Variants in LAMC1 observed in about 807,000 individuals in gnomAD.
LAMC1 encodes laminin subunit gamma 1, also known as laminin subunit gamma-1.
In LAMC1, 38 loss-of-function variants were observed where a neutral mutation model predicts 173.6. That is an observed-to-expected ratio of 0.22 (90% CI 0.17 to 0.29). The LOEUF (loss-of-function observed/expected upper bound fraction) is 0.29. Ranked by LOEUF, LAMC1 falls within the 10% of genes least tolerant of loss-of-function variation. The pLI is 1.00. For synonymous variants in LAMC1, 746 were observed against 749.1 expected (o/e 1.00, Z 0.07); for missense variants, 1,824 against 2,051.8 (o/e 0.89, Z 2.14).
intron 1 of LAMC1, among the ~76,000 whole-genome samples, chr1:183,045,299 A>G (rs572823401): frequency 2.6e-5 from 4 of 152,066 alleles, no homozygotes; most frequent in Non-Finnish European, 5.9e-5. Flanking sequence ...TATGAAGTAG[A>G]TTAGTAACTC....
chr1:183,037,939 A>T (rs1300411814), intron 1 of LAMC1, among the ~76,000 whole-genome samples: 1 of 152,030 alleles, frequency 6.6e-6, no homozygotes, highest in Non-Finnish European at 1.5e-5. Context: ...AGAACTTCAC[A>T]GGTTTGAAGT....
chr1:183,052,758 T>C (rs1654465597), intron 1 of LAMC1, among the ~76,000 whole-genome samples: 1 of 152,238 alleles, frequency 6.6e-6, no homozygotes, highest in Non-Finnish European at 1.5e-5. Flanking sequence ...AATATATCAC[T>C]TAGTAAATTA....
At chr1:183,075,445 A>G (rs569256587) in intron 1 of LAMC1, among the ~76,000 whole-genome samples, 3 of 152,284 alleles carry the variant, frequency 2.0e-5, no homozygotes, top group Admixed American at 1.3e-4. Context: ...CTTTACAAGC[A>G]TGGGTTCCAA....
chr1:183,087,621 C>A (rs1571431790), intron 1 of LAMC1, among the ~76,000 whole-genome samples: 1 of 152,136 alleles, frequency 6.6e-6, no homozygotes, highest in East Asian at 1.9e-4. Context: ...AAGCTTATCA[C>A]ATGCTCATGG....
chr1:183,026,752 T>C (rs1462231643), intron 1 of LAMC1, among the ~76,000 whole-genome samples: 2 of 152,112 alleles, frequency 1.3e-5, no homozygotes, highest in Non-Finnish European at 2.9e-5. Flanking sequence ...CTTTTGATGT[T>C]GAACTTTAAA....
At chr1:183,077,324 G>A (rs1035816155) in intron 1 of LAMC1, among the ~76,000 whole-genome samples, 29 of 152,094 alleles carry the variant, frequency 1.9e-4, no homozygotes, top group African/African-American at 6.8e-4. Context: ...AGACAATGCT[G>A]GCTATTTGCA....
At chr1:183,137,526 A>T in intron 25 of LAMC1, 143 bp from the exon 26 acceptor site, 1 of 443,386 alleles carries the variant, frequency 2.3e-6, no homozygotes, top group Non-Finnish European at 3.8e-6. Flanking sequence ...TTGATAATGT[A>T]AGTCATGAGA....
intron 1 of LAMC1, among the ~76,000 whole-genome samples, chr1:183,033,233 A>G (rs1187304508): frequency 1.3e-5 from 2 of 152,236 alleles, no homozygotes; most frequent in African/African-American, 2.4e-5. Context: ...TGATCAAATC[A>G]GTGAACTGGC....
intron 26 of LAMC1, chr1:183,138,071 C>T (rs986014129): frequency 2.6e-5 from 8 of 307,900 alleles, no homozygotes; most frequent in Non-Finnish European, 3.8e-5. Flanking sequence ...TTGCTTTACA[C>T]GTTTGAGGTT....
intron 2 of LAMC1, among the ~76,000 whole-genome samples, chr1:183,107,172 C>T (rs537994018): frequency 6.6e-6 from 1 of 152,334 alleles, no homozygotes; most frequent in African/African-American, 2.4e-5. Context: ...CAAATTCATT[C>T]ATTCACTTAG....
chr1:183,079,232 G>GT (rs796732672), intron 1 of LAMC1, among the ~76,000 whole-genome samples: 3 of 62,840 alleles, frequency 4.8e-5, no homozygotes, highest in Non-Finnish European at 9.1e-5. Context: ...CTCTAATCTG[G>GT]TTTTTTTTTT....
At chr1:183,102,712 T>C (rs1558048490) in intron 1 of LAMC1, among the ~76,000 whole-genome samples, 1 of 152,222 alleles carries the variant, frequency 6.6e-6, no homozygotes, top group Non-Finnish European at 1.5e-5. Flanking sequence ...TTGTCTTTTT[T>C]CCCCCATTTC....
intron 1 of LAMC1, among the ~76,000 whole-genome samples, chr1:183,086,680 A>G (rs969995898): frequency 6.6e-6 from 1 of 152,208 alleles, no homozygotes; most frequent in Admixed American, 6.5e-5. Context: ...TTCATTGCAA[A>G]TTATTTTAAC....
In LAMC1 at chr1:183,142,861, C is replaced by A; in HGVS notation, c.*71C>A. The A allele has an allele frequency of 6.8e-7, 1 of 1,481,138 alleles. No homozygotes were observed. Among genetic ancestry groups the A allele is most frequent in the African/African-American group, 1.4e-5 (1 of 71,230 alleles). The allele number at this position is 1,481,138 out of a possible 1,614,324, so 91.7% of individuals were successfully genotyped here. Reference sequence around the variant, plus strand: ...TGTGAGGCCACAGAGTGCCTTGACACAAAGATTACATTTTTCAGACCCCCA... The same window carrying A: ...TGTGAGGCCACAGAGTGCCTTGACAAAAAGATTACATTTTTCAGACCCCCA... On this transcript the variant is annotated 3_prime_UTR_variant, in exon 28 of 28. Coordinates refer to ENST00000258341, the MANE Select transcript of LAMC1 (RefSeq NM_002293.4).
intron 6 of LAMC1, 37 bp downstream of exon 6, chr1:183,115,674 T>A (rs767211304): frequency 1.0e-5 from 13 of 1,301,502 alleles, no homozygotes; most frequent in Non-Finnish European, 1.5e-5. Flanking sequence ...GGGGGCAGAA[T>A]CTATATATAG....
intron 2 of LAMC1, among the ~76,000 whole-genome samples, chr1:183,106,410 C>G (rs924141383): frequency 6.6e-6 from 1 of 152,108 alleles, no homozygotes; most frequent in African/African-American, 2.4e-5. Context: ...GTCTCTTTTC[C>G]TTTCTAATTA....
At chr1:183,109,400 C>T (rs1656079115) in intron 3 of LAMC1, among the ~76,000 whole-genome samples, 1 of 152,092 alleles carries the variant, frequency 6.6e-6, no homozygotes, top group African/African-American at 2.4e-5. Context: ...AAGCTGGTGG[C>T]AGCAGAATGG....
intron 1 of LAMC1, among the ~76,000 whole-genome samples, chr1:183,029,312 T>A (rs977306226): frequency 2.9e-4 from 44 of 152,320 alleles, no homozygotes; most frequent in Non-Finnish European, 5.9e-4. Flanking sequence ...TTACTGTAAG[T>A]TCCCATTGCA....
In LAMC1 at chr1:183,071,426, A is replaced by G. The variant is rs142735699; in HGVS notation, c.419-31902A>G. On this transcript the variant is annotated intron_variant, in intron 1 of 27. Transcript: ENST00000258341. Reference sequence around the variant, plus strand: ...TTCTGGGCCCTGGGAAGACAAGTCTACAGCTCTTTGAGGTTCATGTGTGAC... The same window carrying G: ...TTCTGGGCCCTGGGAAGACAAGTCTGCAGCTCTTTGAGGTTCATGTGTGAC... Among the ~76,000 whole-genome samples, 261 of 152,294 alleles carry G rather than the reference A, an allele frequency of 1.7e-3. 3 individuals carry two copies. Among genetic ancestry groups the G allele is most frequent in the African/African-American group, 5.1e-3 (211 of 41,568 alleles).
Sources: allele counts gnomAD v4.1 joint callset (sites outside exome capture counted in the v4.1 genomes callset), GRCh38; gene constraint gnomAD v4.1.1; transcripts MANE v1.5; gene names NCBI Gene and HGNC (gene_info 2026-07-23, HGNC 2026-07-21).